The following PLEKHD1 variants were observed in gnomAD, a reference collection of about 807,000 sequenced individuals.
PLEKHD1 encodes the protein pleckstrin homology and coiled-coil domain containing D1, also known as pleckstrin homology domain-containing family D member 1.
Under a neutral mutation model 69.2 loss-of-function variants are expected in PLEKHD1, and 51 were observed. That is an observed-to-expected ratio of 0.74 (90% confidence interval 0.59 to 0.93). PLEKHD1 has a LOEUF of 0.93. PLEKHD1 is among the 40% of genes least tolerant of loss of function. PLEKHD1 has a pLI of 0.00. For synonymous variants in PLEKHD1, 236 were observed against 244.7 expected, an observed-to-expected ratio of 0.96 and a Z score of 0.33; for missense variants, 584 against 641.0, an observed-to-expected ratio of 0.91 and a Z score of 0.96.
Position 69,502,743 on chromosome 14 carries a change from C to T in PLEKHD1, c.503-84C>T, listed in dbSNP as rs537179402. Reference sequence around the variant, plus strand: ...TGGGAGATGCTGGGGGTGACAGCGACCACCTCAGGCACCAGCTCCCTCAGG... The same window carrying T: ...TGGGAGATGCTGGGGGTGACAGCGATCACCTCAGGCACCAGCTCCCTCAGG... On this transcript the variant is annotated intron_variant, in intron 5 of 12. Coordinates refer to ENST00000322564, the MANE Select transcript of PLEKHD1 (RefSeq NM_001161498.2). 5.5e-5 allele frequency: 83 copies of T among 1,519,528 alleles called. No individual in the cohort carries two copies. In the African/African-American group the frequency reaches 9.8e-4, roughly 18 times the overall value. The allele number at this position is 1,519,528 out of a possible 1,614,324, so 94.1% of individuals were successfully genotyped here. A position where few individuals can be genotyped will look rare whatever the true frequency, so the allele number is the denominator to read the frequency against.
At chr14:69,495,829 C>T (rs1292068384) in intron 1 of PLEKHD1, among the ~76,000 whole-genome samples, 1 of 152,218 alleles carries the variant, frequency 6.6e-6, no homozygotes, top group Non-Finnish European at 1.5e-5. Context: ...TGCCCACTCC[C>T]AATTCCCCCT....
chr14:69,479,908 A>G (rs554935185), upstream of PLEKHD1, among the ~76,000 whole-genome samples: 1 of 152,188 alleles, frequency 6.6e-6, no homozygotes, highest in Admixed American at 6.5e-5. Flanking sequence ...AGGACCTGAT[A>G]GGTCAGTCTC....
chr14:69,485,182 C>T, intron 1 of PLEKHD1, 68 bp downstream of exon 1: 1 of 1,486,898 alleles, frequency 6.7e-7, no homozygotes, highest in Non-Finnish European at 9.0e-7. Flanking sequence ...CCCCTCCCAC[C>T]CCCTCCAGTC....
At chr14:69,494,736 C>T (rs963925478) in intron 1 of PLEKHD1, among the ~76,000 whole-genome samples, 1 of 152,146 alleles carries the variant, frequency 6.6e-6, no homozygotes, top group African/African-American at 2.4e-5. Flanking sequence ...TGTCAGGGAA[C>T]AAGGGGACTT....
chr14:69,491,641 T>A (rs911510756), intron 1 of PLEKHD1, among the ~76,000 whole-genome samples: 1 of 152,162 alleles, frequency 6.6e-6, no homozygotes, highest in African/African-American at 2.4e-5. Flanking sequence ...CTGCCCAACA[T>A]AGAAGATACC....
the PLEKHD1 span, among the ~76,000 whole-genome samples, chr14:69,470,094 C>T: frequency 2.6e-5 from 4 of 152,068 alleles, no homozygotes; most frequent in African/African-American, 7.2e-5. Flanking sequence ...TTCATTTGAT[C>T]CTCAGCACCA....
At chr14:69,483,049 G>A (rs759627146), upstream of PLEKHD1, among the ~76,000 whole-genome samples, 69 of 152,122 alleles carry the variant, frequency 4.5e-4, no homozygotes, top group Admixed American at 9.8e-4. Flanking sequence ...CTCTGGCCCC[G>A]GGCTCTCATC....
At chr14:69,483,639 C>T (rs1256975349), upstream of PLEKHD1, among the ~76,000 whole-genome samples, 1 of 152,228 alleles carries the variant, frequency 6.6e-6, no homozygotes, top group African/African-American at 2.4e-5. Flanking sequence ...AAACTTGGGG[C>T]AAATTCATAA....
At chr14:69,486,066 A>T (rs1882648638) in intron 1 of PLEKHD1, among the ~76,000 whole-genome samples, 1 of 152,122 alleles carries the variant, frequency 6.6e-6, no homozygotes, top group South Asian at 2.1e-4. Context: ...GAGATTCACT[A>T]CTGGTATGGC....
rs200024366 is a variant in PLEKHD1 at position 69,527,227 on chromosome 14, C to T, written c.1096C>T (p.Arg366Trp). The T allele has an allele frequency of 1.4e-3, 2,243 of 1,551,560 alleles. 2 individuals carry two copies. Among genetic ancestry groups the T allele is most frequent in the Non-Finnish European group, 1.8e-3 (2,102 of 1,146,920 alleles). ...KVRMDLERRL[R>W]EAEGALRSLE... ...CCGCATGGACCTGGAGAGGCGTCTC[C>T]GGGAGGCAGAAGGGGCCTTGCGAAG... The change falls in exon 11 of 13, where the codon CGG becomes TGG. Residue 366 changes from arginine to tryptophan, a missense_variant. Coordinates refer to ENST00000322564, the MANE Select transcript of PLEKHD1 (RefSeq NM_001161498.2).
chr14:69,477,790 GC>G, the PLEKHD1 span, among the ~76,000 whole-genome samples: 2 of 151,970 alleles, frequency 1.3e-5, no homozygotes, highest in Non-Finnish European at 2.9e-5. Context: ...AGGCAGCTCC[GC>G]CCCTGTGGCT....
intron 6 of PLEKHD1, among the ~76,000 whole-genome samples, chr14:69,511,166 G>A (rs1883263084): frequency 6.6e-6 from 1 of 152,094 alleles, no homozygotes; most frequent in Admixed American, 6.6e-5. Flanking sequence ...TTTGTTGTTT[G>A]TTTGTTTTGA....
upstream of PLEKHD1, among the ~76,000 whole-genome samples, chr14:69,484,133 G>A (rs921353051): frequency 7.2e-5 from 11 of 152,228 alleles, no homozygotes; most frequent in Non-Finnish European, 1.6e-4. Flanking sequence ...CACCTGAGGG[G>A]GAAGGGTTGG....
chr14:69,493,362 G>A (rs762005121), intron 1 of PLEKHD1, among the ~76,000 whole-genome samples: 5 of 152,198 alleles, frequency 3.3e-5, no homozygotes, highest in Non-Finnish European at 5.9e-5. Flanking sequence ...AGAAATAACC[G>A]TGTTCTGAGT....
At chr14:69,484,052 A>T (rs1046799682), upstream of PLEKHD1, among the ~76,000 whole-genome samples, 1 of 152,230 alleles carries the variant, frequency 6.6e-6, no homozygotes, top group South Asian at 2.1e-4. Flanking sequence ...CGACACAGAC[A>T]CGGTCAGGTT....
the PLEKHD1 span, among the ~76,000 whole-genome samples, chr14:69,471,216 C>T: frequency 6.7e-6 from 1 of 149,108 alleles, no homozygotes; most frequent in Non-Finnish European, 1.5e-5. Context: ...AGCAATCTTC[C>T]CATCTCAGCC....
rs151260911 is a variant in PLEKHD1, at chr14:69,507,700, ATTTTATT to A, written c.555+4830_555+4836del. ...GTTGTCAGGGATTTGAATTTTGGCTATTTTATTTTTTATTTCAATTTTTAGTTTTTGA... is the reference window on the plus strand; with the variant it reads ...GTTGTCAGGGATTTGAATTTTGGCTATTTTATTTCAATTTTTAGTTTTTGA... On this transcript the variant is annotated intron_variant, in intron 6 of 12. Transcript: ENST00000322564. Among the ~76,000 whole-genome samples, 1,328 of 152,150 alleles carry A rather than the reference ATTTTATT, an allele frequency of 8.7e-3. 12 individuals carry two copies. Among genetic ancestry groups the A allele is most frequent in the African/African-American group, 0.025 (1,040 of 41,518 alleles).
intron 6 of PLEKHD1, among the ~76,000 whole-genome samples, chr14:69,511,099 T>A (rs900032969): frequency 2.5e-4 from 38 of 152,198 alleles, no homozygotes; most frequent in Admixed American, 6.6e-5. Flanking sequence ...AAATTCCACT[T>A]AGTTGTGATG....
At chr14:69,522,868 A>ATC (rs1883550218) in intron 7 of PLEKHD1, among the ~76,000 whole-genome samples, 1 of 151,950 alleles carries the variant, frequency 6.6e-6, no homozygotes, top group Non-Finnish European at 1.5e-5. Context: ...GAGCCTAGAA[A>ATC]TCTCTCTCTA....
Sources: allele counts gnomAD v4.1 joint callset (sites outside exome capture counted in the v4.1 genomes callset), GRCh38; gene constraint gnomAD v4.1.1; transcripts MANE v1.5; gene names NCBI Gene and HGNC (gene_info 2026-07-23, HGNC 2026-07-21).